The following IMMP2L variants were observed in gnomAD, a reference collection of about 807,000 sequenced individuals.
The protein encoded by IMMP2L is inner mitochondrial membrane peptidase subunit 2.
A neutral mutation model predicts 19.3 loss-of-function variants in IMMP2L; 18 were observed. That is an observed-to-expected ratio of 0.93 (90% CI 0.64 to 1.38). The LOEUF (loss-of-function observed/expected upper bound fraction) is 1.38. IMMP2L is among the 40% of genes most tolerant of loss of function. IMMP2L has a pLI of 0.00. For synonymous variants in IMMP2L, 76 were observed against 73.0 expected, an observed-to-expected ratio of 1.04 and a Z score of -0.21; for missense variants, 233 against 218.2, an observed-to-expected ratio of 1.07 and a Z score of -0.43.
At chr7:110,857,177 G>A (rs1049412161) in intron 5 of IMMP2L, among the ~76,000 whole-genome samples, 4 of 152,052 alleles carry the variant, frequency 2.6e-5, no homozygotes, top group South Asian at 4.1e-4. Flanking sequence ...CTAACTTGAT[G>A]TTTGAATTCA....
intron 5 of IMMP2L, among the ~76,000 whole-genome samples, chr7:110,784,918 T>C: frequency 6.6e-6 from 1 of 151,902 alleles, no homozygotes; most frequent in African/African-American, 2.4e-5. Context: ...GACATAAAAT[T>C]TAAAATTATA....
intron 3 of IMMP2L, among the ~76,000 whole-genome samples, chr7:111,135,338 C>T (rs978753622): frequency 2.5e-4 from 38 of 152,192 alleles, no homozygotes; most frequent in African/African-American, 8.9e-4. Context: ...CCATGCTAAC[C>T]TACCTTGATG....
At chr7:110,848,292 C>A (rs1405988591) in intron 5 of IMMP2L, among the ~76,000 whole-genome samples, 1 of 152,068 alleles carries the variant, frequency 6.6e-6, no homozygotes, top group Non-Finnish European at 1.5e-5. Context: ...GGTTGGTAAG[C>A]AAGCATATGT....
At chr7:110,759,192 G>T (rs866985627) in intron 5 of IMMP2L, among the ~76,000 whole-genome samples, 1 of 152,176 alleles carries the variant, frequency 6.6e-6, no homozygotes, top group Non-Finnish European at 1.5e-5. Flanking sequence ...ACATTCCTGA[G>T]TCACCCCCAG....
At chr7:111,388,020 A>C (rs1831960316) in intron 3 of IMMP2L, among the ~76,000 whole-genome samples, 1 of 150,202 alleles carries the variant, frequency 6.7e-6, no homozygotes, top group Non-Finnish European at 1.5e-5. Flanking sequence ...AAATAACCCC[A>C]TTTTTAATAG....
At chr7:111,031,527 G>A (rs531994248) in intron 3 of IMMP2L, among the ~76,000 whole-genome samples, 19 of 151,564 alleles carry the variant, frequency 1.3e-4, no homozygotes, top group African/African-American at 2.4e-4. Flanking sequence ...AAAACATATC[G>A]GATTATAACA....
At chr7:111,541,128 T>C (rs1848474501) in intron 1 of IMMP2L, among the ~76,000 whole-genome samples, 1 of 152,202 alleles carries the variant, frequency 6.6e-6, no homozygotes, top group Non-Finnish European at 1.5e-5. Flanking sequence ...TATGATTCTA[T>C]GATTCTAACT....
intron 3 of IMMP2L, among the ~76,000 whole-genome samples, chr7:111,113,853 A>G (rs1799528500): frequency 6.6e-6 from 1 of 152,166 alleles, no homozygotes; most frequent in South Asian, 2.1e-4. Context: ...ATACTACCAC[A>G]CTAACTTCTC....
intron 3 of IMMP2L, among the ~76,000 whole-genome samples, chr7:111,112,583 A>G (rs1442289066): frequency 6.6e-6 from 1 of 152,172 alleles, no homozygotes; most frequent in African/African-American, 2.4e-5. Context: ...AGTGGAATGT[A>G]TGTTGTTCTA....
chr7:110,958,809 G>C (rs1413703737), intron 4 of IMMP2L, among the ~76,000 whole-genome samples: 6 of 152,028 alleles, frequency 3.9e-5, no homozygotes, highest in African/African-American at 1.4e-4. Flanking sequence ...TCAGACATGA[G>C]GCACATCCAA....
chr7:111,229,921 T>A (rs1164389170), intron 3 of IMMP2L, among the ~76,000 whole-genome samples: 1 of 151,944 alleles, frequency 6.6e-6, no homozygotes, highest in Non-Finnish European at 1.5e-5. Flanking sequence ...TTGGTAAAAA[T>A]CTCTGTGTTA....
At chr7:111,429,995 G>C (rs1020289587) in intron 3 of IMMP2L, among the ~76,000 whole-genome samples, 4 of 151,820 alleles carry the variant, frequency 2.6e-5, no homozygotes, top group African/African-American at 9.7e-5. Flanking sequence ...ATGAGTTTCT[G>C]AGCAAGAATG....
At chr7:111,397,870 A>T (rs1277969308) in intron 3 of IMMP2L, among the ~76,000 whole-genome samples, 9 of 152,026 alleles carry the variant, frequency 5.9e-5, no homozygotes. Flanking sequence ...CATTTTGCAT[A>T]ATCAAATTTG....
At chr7:111,446,146 G>A (rs1838378392) in intron 3 of IMMP2L, among the ~76,000 whole-genome samples, 2 of 152,066 alleles carry the variant, frequency 1.3e-5, no homozygotes, top group African/African-American at 2.4e-5. Flanking sequence ...GCCCGCCATT[G>A]CCCAGGCTTG....
At chr7:111,416,567 A>C (rs1039839413) in intron 3 of IMMP2L, among the ~76,000 whole-genome samples, 18 of 151,834 alleles carry the variant, frequency 1.2e-4, no homozygotes, top group Non-Finnish European at 1.9e-4. Context: ...GAGAAAAATA[A>C]AAGTACTTCA....
At chr7:111,471,938 C>A (rs1359258160) in intron 3 of IMMP2L, among the ~76,000 whole-genome samples, 1 of 152,032 alleles carries the variant, frequency 6.6e-6, no homozygotes, top group Non-Finnish European at 1.5e-5. Context: ...CTACTGGAAA[C>A]AAAACCCAGA....
chr7:111,151,107 A>G (rs1345188620), intron 3 of IMMP2L, among the ~76,000 whole-genome samples: 1 of 152,196 alleles, frequency 6.6e-6, no homozygotes, highest in African/African-American at 2.4e-5. Context: ...TTGAAAACAG[A>G]CTTTGAATTT....
intron 3 of IMMP2L, among the ~76,000 whole-genome samples, chr7:111,054,979 GACC>G (rs1222421003): frequency 4.0e-5 from 6 of 151,496 alleles, no homozygotes; most frequent in Non-Finnish European, 7.4e-5. Context: ...GCTCAAAAGT[GACC>G]ACCACTAGTA....
chr7:111,431,087 A>G (rs1836580776), intron 3 of IMMP2L, among the ~76,000 whole-genome samples: 1 of 151,862 alleles, frequency 6.6e-6, no homozygotes, highest in South Asian at 2.1e-4. Flanking sequence ...AGCCTAGGCA[A>G]AAGAGTGAGA....
Sources: gnomAD v4.1 joint callset for allele counts (sites outside exome capture counted in the v4.1 genomes callset) on GRCh38, gnomAD v4.1.1 for gene constraint, MANE v1.5 for transcripts, NCBI Gene and HGNC (gene_info 2026-07-23, HGNC 2026-07-21) for gene names.